DAB1: variants seen among roughly 807,000 people sequenced by gnomAD.
DAB1 encodes disabled homolog 1.
DAB1 carries 15 observed loss-of-function variants against 64.6 expected under a neutral mutation model. The ratio of observed to expected loss-of-function variants is 0.23; its 90% CI spans 0.16 to 0.36. The LOEUF (loss-of-function observed/expected upper bound fraction) is 0.36, where lower values mean the gene tolerates loss of function less well. Ranked by LOEUF, DAB1 falls within the 10% of genes least tolerant of loss-of-function variation. The pLI, the probability that DAB1 is intolerant of heterozygous loss-of-function variation, is 1.00. For missense variants in DAB1, 596 were observed against 706.7 expected, an observed-to-expected ratio of 0.84 and a Z score of 1.78; for synonymous variants, 235 against 251.9, an observed-to-expected ratio of 0.93 and a Z score of 0.64.
At chr1:57,518,028 G>A (rs1045649476) in intron 7 of DAB1, among the ~76,000 whole-genome samples, 7 of 152,150 alleles carry the variant, frequency 4.6e-5, no homozygotes, top group African/African-American at 1.7e-4. Flanking sequence ...TTCACAGTCT[G>A]AAAGGCCTTT....
chr1:57,499,761 A>T lies in DAB1; in HGVS notation n.625+149831T>A, dbSNP rs147910606. On this transcript the variant is annotated intron_variant and non_coding_transcript_variant, in intron 7 of 20. Coordinates refer to the DAB1 transcript ENST00000485760. ...TATGATTACTGGCTGCATGAAAGATATTTCCTCTTTCATTCATTCTTAATT... is the reference window on the plus strand; with the variant it reads ...TATGATTACTGGCTGCATGAAAGATTTTTCCTCTTTCATTCATTCTTAATT... Among the ~76,000 whole-genome samples the T allele has an allele frequency of 4.3e-4, 66 of 152,278 alleles. No individual in the cohort carries two copies. The East Asian group carries it at 0.01, about 23-fold the overall frequency.
intron 5 of DAB1, chr1:58,049,437 C>T: frequency 2.8e-6 from 1 of 361,358 alleles, no homozygotes; most frequent in East Asian, 5.3e-5. Context: ...TCAGCAACCA[C>T]ATTGAAAGGT....
chr1:57,332,872 C>G (rs554588109), intron 1 of DAB1, among the ~76,000 whole-genome samples: 12 of 152,204 alleles, frequency 7.9e-5, no homozygotes, highest in Non-Finnish European at 1.3e-4. Flanking sequence ...ACCTGTCTGC[C>G]TCCCACCAGC....
intron 6 of DAB1, among the ~76,000 whole-genome samples, chr1:57,717,162 C>T (rs901345360): frequency 6.6e-6 from 1 of 151,798 alleles, no homozygotes; most frequent in Non-Finnish European, 1.5e-5. Context: ...ATTACTTGAA[C>T]CCGGGAGGCA....
At chr1:57,301,964 A>C (rs376485924) in intron 1 of DAB1, among the ~76,000 whole-genome samples, 11 of 152,076 alleles carry the variant, frequency 7.2e-5, no homozygotes, top group African/African-American at 2.7e-4. Context: ...TCCTCTCATC[A>C]CTGATAACCT....
intron 5 of DAB1, among the ~76,000 whole-genome samples, chr1:57,976,909 T>G (rs751195430): frequency 3.2e-4 from 48 of 152,188 alleles, no homozygotes; most frequent in Non-Finnish European, 6.6e-4. Flanking sequence ...ACTGCCACTG[T>G]TTTAATCCAG....
chr1:58,065,803 T>C (rs543980284), intron 5 of DAB1, among the ~76,000 whole-genome samples: 135 of 152,310 alleles, frequency 8.9e-4, no homozygotes, highest in Non-Finnish European at 1.5e-3. Flanking sequence ...AGGGACAGTC[T>C]TGGCCAACCC....
chr1:57,815,348 A>G (rs852752), intron 6 of DAB1, among the ~76,000 whole-genome samples: 53,339 of 152,022 alleles, frequency 0.35, 9,892 homozygotes, highest in Admixed American at 0.48. Flanking sequence ...GATTACAGGC[A>G]TGAGACCCCA....
intron 2 of DAB1, among the ~76,000 whole-genome samples, chr1:57,263,430 CT>C (rs200328701): frequency 0.031 from 4,676 of 152,228 alleles, 71 homozygotes; most frequent in Non-Finnish European, 0.038. Context: ...GAAGATACAA[CT>C]TTTTTACTGA....
intron 2 of DAB1, among the ~76,000 whole-genome samples, chr1:57,200,657 G>T (rs1338746476): frequency 6.6e-6 from 1 of 152,126 alleles, no homozygotes; most frequent in Non-Finnish European, 1.5e-5. Context: ...TTAATAATAA[G>T]AATGCAAATA....
At chr1:58,149,179 A>T (rs1654781354) in intron 5 of DAB1, among the ~76,000 whole-genome samples, 1 of 152,098 alleles carries the variant, frequency 6.6e-6, no homozygotes, top group African/African-American at 2.4e-5. Context: ...TCTCTCTCTG[A>T]TCAGCAGATA....
intron 5 of DAB1, among the ~76,000 whole-genome samples, chr1:58,047,410 C>T (rs188806240): frequency 8.5e-5 from 13 of 152,274 alleles, no homozygotes; most frequent in Non-Finnish European, 1.8e-4. Flanking sequence ...AAGTGTGGCA[C>T]CAGGGAGGTG....
chr1:57,561,327 C>T (rs1308650170), intron 7 of DAB1, among the ~76,000 whole-genome samples: 1 of 152,160 alleles, frequency 6.6e-6, no homozygotes, highest in Non-Finnish European at 1.5e-5. Flanking sequence ...GGCAATCTTC[C>T]CAGTGGGCAG....
chr1:58,005,879 A>G (rs1435044950), intron 5 of DAB1, among the ~76,000 whole-genome samples: 1 of 152,176 alleles, frequency 6.6e-6, no homozygotes, highest in Non-Finnish European at 1.5e-5. Flanking sequence ...AGGCAGGTAC[A>G]ATTATTGTTC....
At chr1:57,382,741 T>C (rs750749953) in intron 1 of DAB1, among the ~76,000 whole-genome samples, 40 of 152,152 alleles carry the variant, frequency 2.6e-4, no homozygotes, top group Non-Finnish European at 5.0e-4. Context: ...GAGATTCAGA[T>C]GGTTCGATTG....
intron 4 of DAB1, among the ~76,000 whole-genome samples, chr1:58,157,225 G>C (rs974655180): frequency 3.3e-5 from 5 of 152,136 alleles, no homozygotes; most frequent in African/African-American, 4.8e-5. Flanking sequence ...AATCCATAAT[G>C]CAATCTTCAT....
chr1:57,711,531 G>A (rs934431444), intron 6 of DAB1, among the ~76,000 whole-genome samples: 1 of 152,200 alleles, frequency 6.6e-6, no homozygotes, highest in African/African-American at 2.4e-5. Context: ...CTGTACTCAC[G>A]GGTGCCTGTC....
intron 4 of DAB1, among the ~76,000 whole-genome samples, chr1:58,166,080 TA>T (rs1178327778): frequency 2.6e-5 from 4 of 152,166 alleles, no homozygotes; most frequent in Admixed American, 2.6e-4. Context: ...TCTCTGTACT[TA>T]AAGAGGAAGA....
chr1:57,512,845 T>C (rs987813995), intron 7 of DAB1, among the ~76,000 whole-genome samples: 1 of 152,142 alleles, frequency 6.6e-6, no homozygotes, highest in African/African-American at 2.4e-5. Context: ...ACAGGCATCA[T>C]GAGAGGAAGG....
Sources: allele counts gnomAD v4.1 joint callset (sites outside exome capture counted in the v4.1 genomes callset), GRCh38; gene constraint gnomAD v4.1.1; transcripts MANE v1.5; gene names NCBI Gene and HGNC (gene_info 2026-07-23, HGNC 2026-07-21).